The following ABHD2 variants were observed in gnomAD, a reference collection of about 807,000 sequenced individuals.
ABHD2 encodes abhydrolase domain containing 2, acylglycerol lipase, also known as monoacylglycerol lipase ABHD2.
Under a neutral mutation model 48.1 loss-of-function variants are expected in ABHD2, and 20 were observed. That is an observed-to-expected ratio of 0.42 (90% CI 0.29 to 0.60). The LOEUF (loss-of-function observed/expected upper bound fraction) is 0.60. Ranked by LOEUF, ABHD2 falls within the 20% of genes least tolerant of loss-of-function variation. ABHD2 has a pLI of 0.24. For missense variants in ABHD2, 405 were observed against 550.9 expected, an observed-to-expected ratio of 0.74 and a Z score of 2.65; for synonymous variants, 209 against 214.2, an observed-to-expected ratio of 0.98 and a Z score of 0.21.
intron 5 of ABHD2, among the ~76,000 whole-genome samples, chr15:89,171,730 G>C (rs973562962): frequency 6.6e-6 from 1 of 152,164 alleles, no homozygotes; most frequent in Non-Finnish European, 1.5e-5. Context: ...GGGTGGCCCA[G>C]AGATGAGAGA....
At chr15:89,103,909 A>C (rs2049741537) in intron 1 of ABHD2, 1 of 152,232 alleles carries the variant, frequency 6.6e-6, no homozygotes, top group African/African-American at 2.4e-5. Flanking sequence ...TCAGGCACAG[A>C]TGAATCCTTC....
chr15:89,083,496 GTGTA>G (rs149724076), upstream of ABHD2, among the ~76,000 whole-genome samples: 1 of 152,274 alleles, frequency 6.6e-6, no homozygotes, highest in East Asian at 1.9e-4. The surrounding 1 kb of genome is among the most constrained non-coding windows in gnomAD (Gnocchi z 5.1). Flanking sequence ...GTGCACGTGC[GTGTA>G]TGTGTGTTTG....
rs1271138805 is a variant in ABHD2 at position 89,200,943 on chromosome 15, G to A, written c.*5520G>A. ...CTAAAAATGCAAAAATTAGCTGGGT[G>A]TGGTGGCGGGCGCCTGTAATCCCAG... On this transcript the variant is annotated 3_prime_UTR_variant, in exon 11 of 11. Coordinates refer to ENST00000352732, the MANE Select transcript of ABHD2 (RefSeq NM_152924.5). 21 of 465,534 alleles carry A rather than the reference G, an allele frequency of 4.5e-5. No homozygotes were observed. Among genetic ancestry groups the A allele is most frequent in the Non-Finnish European group, 7.6e-5 (20 of 261,632 alleles). 28.8% of individuals were successfully genotyped at this position (465,534 alleles called of 1,614,324 possible). A position where few individuals can be genotyped will look rare whatever the true frequency, so the allele number is the denominator to read the frequency against.
intron 3 of ABHD2, among the ~76,000 whole-genome samples, chr15:89,145,656 T>G (rs1039303737): frequency 6.6e-6 from 1 of 152,228 alleles, no homozygotes; most frequent in South Asian, 2.1e-4. Flanking sequence ...AAATTTCCCC[T>G]TGGGGAAGTT....
At chr15:89,086,520 C>T (rs868261816), upstream of ABHD2, among the ~76,000 whole-genome samples, 1 of 151,832 alleles carries the variant, frequency 6.6e-6, no homozygotes, top group Non-Finnish European at 1.5e-5. Context: ...GCTCAAACAA[C>T]CCTCCTGCCT....
upstream of ABHD2, chr15:89,087,964 A>T (rs1596050466): frequency 6.6e-6 from 1 of 152,188 alleles, no homozygotes; most frequent in East Asian, 1.9e-4. The surrounding 1 kb of genome is among the most constrained non-coding windows in gnomAD (Gnocchi z 5.5). Context: ...AGTACACGTG[A>T]GTCAGTCAGT....
chr15:89,047,240 G>A, the ABHD2 span, among the ~76,000 whole-genome samples: 1 of 151,928 alleles, frequency 6.6e-6, no homozygotes, highest in Non-Finnish European at 1.5e-5. Flanking sequence ...GTTCTAGTTT[G>A]ATTGCACTGT....
chr15:89,201,177 T>C lies in ABHD2; in HGVS notation c.*5754T>C, dbSNP rs2051462123. The C allele has an allele frequency of 4.8e-6, 7 of 1,470,718 alleles. No individual in the cohort carries two copies. The Admixed American group carries it at 6.8e-5, about 14-fold the overall frequency. The allele number at this position is 1,470,718 out of a possible 1,614,324, so 91.1% of individuals were successfully genotyped here. The stretch of plus-strand genomic sequence containing the variant: ...ACATCTCTGAAGGATGCAGTTGAGG[T>C]TGATCCAGGTTTATCCGAATATGCT... On this transcript the variant is annotated 3_prime_UTR_variant, in exon 11 of 11. Coordinates refer to ENST00000352732, the MANE Select transcript of ABHD2 (RefSeq NM_152924.5).
At chr15:89,194,362 G>C (rs1217191782) in intron 10 of ABHD2, among the ~76,000 whole-genome samples, 4 of 151,904 alleles carry the variant, frequency 2.6e-5, no homozygotes, top group Non-Finnish European at 5.9e-5. Context: ...AGCCAGGCGT[G>C]GTGGTACATG....
At chr15:89,113,330 A>G (rs1170476089) in intron 1 of ABHD2, among the ~76,000 whole-genome samples, 1 of 152,238 alleles carries the variant, frequency 6.6e-6, no homozygotes, top group Admixed American at 6.5e-5. Context: ...AAGAGAACAA[A>G]TAAGTCGACT....
upstream of ABHD2, among the ~76,000 whole-genome samples, chr15:89,084,062 T>C (rs781527895): frequency 2.6e-5 from 4 of 152,162 alleles, no homozygotes; most frequent in African/African-American, 4.8e-5. The surrounding 1 kb of genome is among the most constrained non-coding windows in gnomAD (Gnocchi z 4.4). Flanking sequence ...ACTATTATTC[T>C]CTTAGCCTCA....
intron 1 of ABHD2, among the ~76,000 whole-genome samples, chr15:89,095,855 C>G (rs1264665624): frequency 6.6e-6 from 1 of 152,134 alleles, no homozygotes; most frequent in Non-Finnish European, 1.5e-5. Context: ...GTTTTACAAG[C>G]CTGTCCTGGA....
At position 89,177,476 on chromosome 15, in the gene ABHD2, T is replaced by C. The variant is rs543724330; in HGVS notation, c.722+1481T>C. On this transcript the variant is annotated intron_variant, in intron 6 of 10. Coordinates refer to ENST00000352732, the MANE Select transcript of ABHD2 (RefSeq NM_152924.5). The surrounding 1 kb of genome is among the most constrained non-coding windows in gnomAD (Gnocchi z 5.6). ...CCCCACCCTTGGAGATTTTGATTCA[T>C]GAAGTTGGAGGCATGGGACCTCAGA... Among the ~76,000 whole-genome samples, 6 of 152,326 alleles carry C rather than the reference T, an allele frequency of 3.9e-5. No homozygotes were observed. The highest frequency in any genetic ancestry group is 2.1e-4 in the South Asian group (1 of 4,822).
chr15:89,126,355 A>G (rs1412414109), intron 3 of ABHD2, among the ~76,000 whole-genome samples: 1 of 152,224 alleles, frequency 6.6e-6, no homozygotes, highest in Non-Finnish European at 1.5e-5. Context: ...TACAGGACTT[A>G]CATGGAATCA....
intron 3 of ABHD2, among the ~76,000 whole-genome samples, chr15:89,126,384 T>C (rs1449065736): frequency 1.3e-5 from 2 of 152,212 alleles, no homozygotes; most frequent in Non-Finnish European, 2.9e-5. Flanking sequence ...TTTATACTCC[T>C]TCTCAATGTG....
In ABHD2 at chr15:89,188,393, T is replaced by C. The variant is rs1233723712; in HGVS notation, c.926+90T>C. On this transcript the variant is annotated intron_variant, in intron 8 of 10. Transcript: ENST00000352732. This position sits in a 1 kb window ranked among gnomAD's most constrained non-coding sequence, Gnocchi z 4.1. ...AGCTGTGCCCAGCACTAGTGTTTGCTCTGCCTACTTGAGTGTTAAGGGTGT... is the reference window on the plus strand; with the variant it reads ...AGCTGTGCCCAGCACTAGTGTTTGCCCTGCCTACTTGAGTGTTAAGGGTGT... The C allele has an allele frequency of 2.0e-5, 23 of 1,140,358 alleles. No homozygotes were observed. The highest frequency in any genetic ancestry group is 4.6e-5 in the African/African-American group (3 of 65,540). The allele number at this position is 1,140,358 out of a possible 1,614,324, so 70.6% of individuals were successfully genotyped here.
intron 4 of ABHD2, among the ~76,000 whole-genome samples, chr15:89,152,300 C>T (rs1211793521): frequency 6.6e-6 from 1 of 152,066 alleles, no homozygotes; most frequent in East Asian, 1.9e-4. Context: ...AGGATGGTCT[C>T]GATCTCCTGA....
intron 3 of ABHD2, among the ~76,000 whole-genome samples, chr15:89,141,738 C>T (rs140552873): frequency 1.3e-5 from 2 of 152,286 alleles, no homozygotes; most frequent in East Asian, 3.9e-4. Context: ...GGTCTCTTTA[C>T]CCTTTCTCCT....
chr15:89,099,042 C>T (rs1483359198), intron 1 of ABHD2, among the ~76,000 whole-genome samples: 1 of 152,160 alleles, frequency 6.6e-6, no homozygotes, highest in African/African-American at 2.4e-5. Flanking sequence ...GGGCCTGGCA[C>T]AGGGAGGGTC....
Sources: allele counts gnomAD v4.1 joint callset (sites outside exome capture counted in the v4.1 genomes callset), GRCh38; gene constraint gnomAD v4.1.1; non-coding constraint Gnocchi (gnomAD v3.1); transcripts MANE v1.5; gene names NCBI Gene and HGNC (gene_info 2026-07-23, HGNC 2026-07-21).